The following SUGP2 variants were observed in gnomAD, a reference collection of about 807,000 sequenced individuals.
SUGP2 encodes the protein SURP and G-patch domain-containing protein 2.
A neutral mutation model predicts 90.5 loss-of-function variants in SUGP2; 24 were observed. The observed-to-expected ratio is 0.27, with a 90% CI of 0.19 to 0.37. The LOEUF (loss-of-function observed/expected upper bound fraction) is 0.37. Among genes scored for constraint, SUGP2 ranks in the 10% least tolerant of loss-of-function variants. The probability of loss-of-function intolerance (pLI) is 1.00; values close to 1 mark genes in which losing one functional copy is unlikely to be tolerated. For synonymous variants in SUGP2, 473 were observed against 513.4 expected, an observed-to-expected ratio of 0.92 and a Z score of 1.06; for missense variants, 1,233 against 1,363.3, an observed-to-expected ratio of 0.90 and a Z score of 1.51.
chr19:19,005,313 C>T (rs1268339853), intron 6 of SUGP2, among the ~76,000 whole-genome samples: 5 of 152,138 alleles, frequency 3.3e-5, no homozygotes, highest in African/African-American at 7.2e-5. Flanking sequence ...AAATGGCCCT[C>T]GTAAGGCAAC....
Position 19,010,100 on chromosome 19 carries a change from G to A in SUGP2, c.2093C>T (p.Thr698Ile), listed in dbSNP as rs1411353499. ...TGAGGATAGGAGGGTCTGGGTCCCG[G>A]TGGTCGCTCTCCTCGCCTTCCAGCC... is the stretch of plus-strand genomic sequence containing the variant. ...LRGWKARRAT[T>I]GTQTLLSSGT... The change falls in exon 5 of 11, where the codon ACC (threonine) becomes ATC (isoleucine). Residue 698 changes from threonine to isoleucine, a missense_variant. By Grantham distance (89) the Thr-to-Ile change is moderately conservative (BLOSUM62 -1). Around this residue, in one of 8 missense-constraint regions of SUGP2, gnomAD observed 540 missense variants for 542.6 expected, o/e 1.00. Coordinates refer to ENST00000452918, the MANE Select transcript of SUGP2 (RefSeq NM_001017392.5). 3 of 1,612,582 alleles carry A rather than the reference G, an allele frequency of 1.9e-6. No individual in the cohort carries two copies. The highest frequency in any genetic ancestry group is 2.7e-5 in the African/African-American group (2 of 74,832).
intron 9 of SUGP2, 141 bp downstream of exon 9, chr19:18,995,003 A>G: frequency 1.0e-6 from 1 of 965,942 alleles, no homozygotes; most frequent in Non-Finnish European, 1.6e-6. Flanking sequence ...TCAGCTTCTC[A>G]TCTGAAGATG....
At chr19:19,028,021 A>C (rs1466087421) in intron 2 of SUGP2, among the ~76,000 whole-genome samples, 1 of 152,164 alleles carries the variant, frequency 6.6e-6, no homozygotes, top group Non-Finnish European at 1.5e-5. Flanking sequence ...TTCCAGGCAG[A>C]GGGGGAATGA....
chr19:19,024,035 A>G (rs1189524316), intron 3 of SUGP2, among the ~76,000 whole-genome samples: 1 of 152,242 alleles, frequency 6.6e-6, no homozygotes, highest in Non-Finnish European at 1.5e-5. Flanking sequence ...GTGCGTGAAT[A>G]GATGAGCATT....
intron 1 of SUGP2, among the ~76,000 whole-genome samples, chr19:19,031,786 A>G (rs2059162383): frequency 1.3e-5 from 2 of 151,098 alleles, no homozygotes; most frequent in Non-Finnish European, 1.5e-5. Flanking sequence ...TAATCCTCGC[A>G]TGGTACTTCA....
At chr19:19,032,036 G>A (rs948617307) in intron 1 of SUGP2, among the ~76,000 whole-genome samples, 4 of 151,974 alleles carry the variant, frequency 2.6e-5, no homozygotes, top group Non-Finnish European at 4.4e-5. Flanking sequence ...AAGCAGCTCT[G>A]TGAAAGCAGT....
intron 7 of SUGP2, among the ~76,000 whole-genome samples, chr19:19,003,098 C>T (rs565960554): frequency 1.2e-3 from 190 of 152,280 alleles, no homozygotes; most frequent in Non-Finnish European, 2.3e-3. Context: ...CGAGCCACTG[C>T]GCCTGGCCCC....
chr19:19,016,195 A>ATT (rs566185847), intron 4 of SUGP2, among the ~76,000 whole-genome samples: 1 of 150,708 alleles, frequency 6.6e-6, no homozygotes, highest in African/African-American at 2.4e-5. Context: ...GGCCCGGCTA[A>ATT]TTTTTTTTTG....
chr19:19,018,681 C>T (rs539257163), intron 4 of SUGP2, among the ~76,000 whole-genome samples: 27 of 81,364 alleles, frequency 3.3e-4, no homozygotes, highest in Admixed American at 1.2e-3. Flanking sequence ...AGCAAGGCTC[C>T]GTCTCAAAAA....
At chr19:19,004,942 T>C (rs10416054) in intron 6 of SUGP2, among the ~76,000 whole-genome samples, 3,506 of 152,316 alleles carry the variant, frequency 0.023, 133 homozygotes, top group African/African-American at 0.08. Flanking sequence ...GAGATCTGGC[T>C]TGAGACCCAT....
At chr19:19,024,044 T>C (rs1339987794) in intron 3 of SUGP2, among the ~76,000 whole-genome samples, 1 of 152,188 alleles carries the variant, frequency 6.6e-6, no homozygotes, top group Non-Finnish European at 1.5e-5. Context: ...TAGATGAGCA[T>C]TTTTTCTGGC....
intron 1 of SUGP2, among the ~76,000 whole-genome samples, chr19:19,032,646 C>T (rs28445835): frequency 0.023 from 3,554 of 152,050 alleles, 130 homozygotes; most frequent in African/African-American, 0.08. Flanking sequence ...AGAGGCGGGT[C>T]CTGTTATGAA....
Position 19,025,711 on chromosome 19 carries a change from C to T in SUGP2, c.637G>A (p.Gly213Ser), listed in dbSNP as rs777426519. Residue 213 changes from glycine to serine, a missense_variant, in exon 3 of 11, where the codon GGT becomes AGT. Physicochemically the swap from Gly to Ser is moderately conservative, Grantham distance 56 (BLOSUM62 0). Around this residue, in one of 8 missense-constraint regions of SUGP2, gnomAD observed 418 missense variants for 399.9 expected, o/e 1.05. Transcript: ENST00000452918. The stretch of plus-strand genomic sequence containing the variant: ...TGGTCAACGATGTTTAGAGCTCGAC[C>T]TCTGGCCTGGACTTGACTGCCGCCC... ...LRGGSQVQARGRALNIVDQEG... is the reference protein window; with the variant it reads ...LRGGSQVQARSRALNIVDQEG... 51 of 1,613,892 alleles carry T rather than the reference C, an allele frequency of 3.2e-5. No homozygotes were observed. Among genetic ancestry groups the T allele is most frequent in the Non-Finnish European group, 4.2e-5 (50 of 1,179,972 alleles).
intron 6 of SUGP2, among the ~76,000 whole-genome samples, 191 bp from the exon 7 acceptor site, chr19:19,004,837 C>T (rs2057999211): frequency 6.6e-6 from 1 of 152,152 alleles, no homozygotes; most frequent in Admixed American, 6.6e-5. Context: ...GTACTAGTAA[C>T]TTAATAAGGA....
intron 7 of SUGP2, chr19:19,003,403 G>C (rs567631481): frequency 7.2e-5 from 11 of 152,446 alleles, no homozygotes; most frequent in African/African-American, 2.6e-4. Flanking sequence ...GAGGGCATTG[G>C]GGGCACAGGA....
At position 19,008,348 on chromosome 19, in the gene SUGP2, T is replaced by C; in HGVS notation, c.2419A>G (p.Ile807Val). 6.2e-7 allele frequency: 1 copy of C among 1,614,222 alleles called. No homozygotes were observed. The highest frequency in any genetic ancestry group is 2.2e-5 in the East Asian group (1 of 44,886). The stretch of plus-strand genomic sequence containing the variant: ...TCAGGGTTATCGGTGCTGTTTTCTA[T>C]GCTGAATTGTTCGATCTCTGGTCCC... ...QVGPEIEQFS[I>V]ENSTDNPDLW... Residue 807 changes from isoleucine to valine, a missense_variant, in exon 6 of 11, where the codon ATA becomes GTA. This residue lies in a region of SUGP2 where 540 missense variants were observed against 542.6 expected (regional missense o/e 1.00). Transcript: ENST00000452918.
Position 19,020,265 on chromosome 19 carries a change from T to TA in SUGP2, c.1730-1037dup, listed in dbSNP as rs1161661723. 6.0e-5 allele frequency among the ~76,000 whole-genome samples: 9 copies of TA among 151,008 alleles called. No individual in the cohort carries two copies. The East Asian group carries it at 1.8e-3, about 30-fold the overall frequency. On this transcript the variant is annotated intron_variant, in intron 3 of 10. Transcript: ENST00000452918. ...TAACACGATGAAACTCCATTTCTAC[T>TA]AAAAAAATACAAAAAAATTAGCTGG...
chr19:19,014,886 A>G (rs1328691885), intron 4 of SUGP2, among the ~76,000 whole-genome samples: 2 of 152,044 alleles, frequency 1.3e-5, no homozygotes, highest in African/African-American at 4.8e-5. Context: ...AGTCAAGAAA[A>G]AGCAACATAG....
At chr19:19,002,972 C>T (rs564886752) in intron 7 of SUGP2, among the ~76,000 whole-genome samples, 2 of 151,882 alleles carry the variant, frequency 1.3e-5, no homozygotes, top group African/African-American at 2.4e-5. Context: ...ATTTTTTTTA[C>T]ATTAATTTTT....
Sources: gnomAD v4.1 joint callset for allele counts (sites outside exome capture counted in the v4.1 genomes callset) on GRCh38, gnomAD v4.1.1 for gene constraint, gnomAD v4.1.1 regional missense constraint, MANE v1.5 for transcripts, NCBI Gene and HGNC (gene_info 2026-07-23, HGNC 2026-07-21) for gene names.